The following CRPPA variants were observed in gnomAD, a reference collection of about 807,000 sequenced individuals.
CRPPA encodes the protein D-ribitol-5-phosphate cytidylyltransferase.
In CRPPA, 43 loss-of-function variants were observed where a neutral mutation model predicts 52.0. The ratio of observed to expected loss-of-function variants is 0.83; its 90% CI spans 0.65 to 1.07. The LOEUF is 1.07. Ranked by LOEUF, CRPPA falls within the 50% of genes least tolerant of loss-of-function variation. The probability of loss-of-function intolerance (pLI) is 0.00; values close to 1 mark genes in which losing one functional copy is unlikely to be tolerated. For synonymous variants in CRPPA, 250 were observed against 203.5 expected (o/e 1.23, Z -1.94); for missense variants, 629 against 551.7 (o/e 1.14, Z -1.40).
chr7:16,284,628 T>C (rs1037260189), intron 5 of CRPPA, among the ~76,000 whole-genome samples: 1 of 152,144 alleles, frequency 6.6e-6, no homozygotes, highest in African/African-American at 2.4e-5. Flanking sequence ...GCCATAATCA[T>C]ATGTGACAAT....
chr7:16,119,443 AC>A (rs2128369347), intron 9 of CRPPA, among the ~76,000 whole-genome samples: 1 of 152,340 alleles, frequency 6.6e-6, no homozygotes, highest in Non-Finnish European at 1.5e-5. Flanking sequence ...AAAAAAACAA[AC>A]AAAAAAGAAA....
intron 8 of CRPPA, among the ~76,000 whole-genome samples, chr7:16,254,829 GAA>G (rs1228653190): frequency 6.8e-6 from 1 of 147,434 alleles, no homozygotes; most frequent in Non-Finnish European, 1.5e-5. Flanking sequence ...AAGAAAGAAA[GAA>G]AGAAAGAAAG....
chr7:16,363,984 T>C (rs1217496552), intron 3 of CRPPA, among the ~76,000 whole-genome samples: 2 of 152,112 alleles, frequency 1.3e-5, no homozygotes, highest in African/African-American at 2.4e-5. Context: ...AAATTACTAA[T>C]ATAAAGTAAA....
chr7:16,163,574 AT>A (rs1780968654), intron 9 of CRPPA, among the ~76,000 whole-genome samples: 1 of 151,996 alleles, frequency 6.6e-6, no homozygotes, highest in Non-Finnish European at 1.5e-5. Flanking sequence ...CTAGCTGGTT[AT>A]TTTGCCCATT....
At position 16,169,493 on chromosome 7, in the gene CRPPA, G is replaced by A. The variant is rs577469812; in HGVS notation, c.1251+46573C>T. ...TATTTCTCAAACTGGTGAAGTGATT[G>A]TCCTGTTTTATCGTTTTACAACATA... is the stretch of plus-strand genomic sequence containing the variant. On this transcript the variant is annotated intron_variant, in intron 9 of 9. Transcript: ENST00000407010. Among the ~76,000 whole-genome samples the A allele has an allele frequency of 2.6e-5, 4 of 152,308 alleles. No homozygotes were observed. The South Asian group carries it at 8.3e-4, about 32-fold the overall frequency.
intron 5 of CRPPA, among the ~76,000 whole-genome samples, chr7:16,290,746 G>A (rs1356798039): frequency 4.6e-5 from 7 of 151,934 alleles, no homozygotes; most frequent in Non-Finnish European, 8.8e-5. Flanking sequence ...AGCATTTTAT[G>A]GCTAAGACTC....
chr7:16,286,099 T>A (rs200704775), intron 5 of CRPPA, among the ~76,000 whole-genome samples: 6,612 of 47,682 alleles, frequency 0.14, 1,111 homozygotes, highest in South Asian at 0.28. Context: ...AAAAAAAAAA[T>A]ATATATATAT....
At chr7:16,280,545 T>C (rs148803065) in intron 5 of CRPPA, among the ~76,000 whole-genome samples, 2,005 of 152,300 alleles carry the variant, frequency 0.013, 22 homozygotes, top group Middle Eastern at 0.024. Flanking sequence ...ATTTGTAAAA[T>C]AATGCATAAC....
At chr7:16,205,460 T>C (rs1781954574) in intron 9 of CRPPA, among the ~76,000 whole-genome samples, 1 of 152,166 alleles carries the variant, frequency 6.6e-6, no homozygotes, top group South Asian at 2.1e-4. Flanking sequence ...CCCACACCAG[T>C]TGTGTTTATG....
At chr7:16,398,444 G>C (rs1395172373) in intron 2 of CRPPA, among the ~76,000 whole-genome samples, 3 of 152,112 alleles carry the variant, frequency 2.0e-5, no homozygotes, top group Admixed American at 2.0e-4. Flanking sequence ...ACCGAGGTTT[G>C]TGACACGTGA....
At chr7:16,319,758 G>A (rs1378762263) in intron 3 of CRPPA, among the ~76,000 whole-genome samples, 1 of 152,072 alleles carries the variant, frequency 6.6e-6, no homozygotes, top group Non-Finnish European at 1.5e-5. Context: ...ACTGTTTCTG[G>A]CAACACACTC....
intron 3 of CRPPA, among the ~76,000 whole-genome samples, chr7:16,321,439 A>G (rs940869742): frequency 4.6e-5 from 7 of 152,136 alleles, no homozygotes; most frequent in East Asian, 1.9e-4. Flanking sequence ...TCTAACCCCA[A>G]TGTAAATAAC....
Position 16,421,151 on chromosome 7 carries a change from C to G in CRPPA, c.172G>C (p.Glu58Gln). ...AAVLPAGGCG[E>Q]RMGVPTPKQF... ...TTCGGGGTGGGGACCCCCATCCTCT[C>G]CCCGCACCCCCCGGCAGGCAACACA... Residue 58 changes from glutamate (E) to glutamine (Q), a missense_variant, in exon 1 of 10, where the codon GAG becomes CAG. Transcript: ENST00000407010. The G allele has an allele frequency of 1.5e-6, 2 of 1,335,148 alleles. No individual in the cohort carries two copies. Among genetic ancestry groups the G allele is most frequent in the Non-Finnish European group, 9.6e-7 (1 of 1,037,696 alleles). 82.7% of individuals were successfully genotyped at this position (1,335,148 alleles called of 1,614,324 possible).
intron 8 of CRPPA, among the ~76,000 whole-genome samples, chr7:16,233,323 T>C (rs530980824): frequency 6.8e-4 from 104 of 152,150 alleles, no homozygotes; most frequent in African/African-American, 2.4e-3. Context: ...TAAAACCACA[T>C]ATCAACACAT....
At chr7:16,277,675 TTAAC>T (rs775548484) in intron 6 of CRPPA, among the ~76,000 whole-genome samples, 16 of 152,170 alleles carry the variant, frequency 1.1e-4, no homozygotes, top group Non-Finnish European at 2.1e-4. Flanking sequence ...AGATATGAGT[TTAAC>T]TAGGAAGTTG....
In CRPPA at chr7:16,278,186, T is replaced by C. The variant is rs371300262; in HGVS notation, c.876A>G (p.Glu292=). The part of the protein sequence containing the change: ...SQEICVVMDT[E]EDNKHVGHLL... The stretch of plus-strand genomic sequence containing the variant: ...GATGACCTACATGTTTGTTATCTTC[T>C]TCTGTATCCATAACTACACAAATCT... The change falls in exon 6 of 10, where the codon GAA becomes GAG. Residue 292 remains glutamate (E), a synonymous_variant. Coordinates refer to ENST00000407010, the MANE Select transcript of CRPPA (RefSeq NM_001101426.4). The C allele has an allele frequency of 2.1e-4, 329 of 1,586,306 alleles. 4 individuals carry two copies. Among genetic ancestry groups the C allele is most frequent in the South Asian group, 8.7e-4 (77 of 88,476 alleles).
At chr7:16,162,181 T>C (rs1780914036) in intron 9 of CRPPA, among the ~76,000 whole-genome samples, 1 of 152,172 alleles carries the variant, frequency 6.6e-6, no homozygotes, top group South Asian at 2.1e-4. Context: ...TCTCCTTCAG[T>C]TCTGTTCTGA....
intron 2 of CRPPA, among the ~76,000 whole-genome samples, chr7:16,380,861 T>A (rs1193885196): frequency 6.6e-6 from 1 of 152,122 alleles, no homozygotes; most frequent in African/African-American, 2.4e-5. Flanking sequence ...TTTCATTGTG[T>A]CTATTTGATT....
intron 2 of CRPPA, among the ~76,000 whole-genome samples, chr7:16,377,686 TTTC>T (rs757099986): frequency 1.3e-5 from 2 of 152,078 alleles, no homozygotes; most frequent in Non-Finnish European, 2.9e-5. Context: ...CCGTGACCCG[TTTC>T]TTCTTCTATA....
Sources: allele counts gnomAD v4.1 joint callset (sites outside exome capture counted in the v4.1 genomes callset), GRCh38; gene constraint gnomAD v4.1.1; transcripts MANE v1.5; gene names NCBI Gene and HGNC (gene_info 2026-07-23, HGNC 2026-07-21).